Variants in TUBA1C observed in about 807,000 individuals in gnomAD.
TUBA1C encodes tubulin alpha-1C chain.
TUBA1C carries 16 observed loss-of-function variants against 34.9 expected under a neutral mutation model. The observed-to-expected ratio is 0.46, with a 90% confidence interval of 0.31 to 0.70. TUBA1C has a LOEUF of 0.70. Ranked by LOEUF, TUBA1C falls within the 30% of genes least tolerant of loss-of-function variation. The pLI, the probability that TUBA1C is intolerant of heterozygous loss-of-function variation, is 0.05. For missense variants in TUBA1C, 329 were observed against 587.3 expected (o/e 0.56, Z 4.55); for synonymous variants, 177 against 215.9 (o/e 0.82, Z 1.58).
At chr12:49,258,721 C>A (rs919395047) in intron 1 of TUBA1C, among the ~76,000 whole-genome samples, 4 of 151,410 alleles carry the variant, frequency 2.6e-5, no homozygotes, top group South Asian at 2.1e-4. Flanking sequence ...AGCTATCATG[C>A]CCGGCTATAA....
chr12:49,247,139 C>CAA lies in TUBA1C; in HGVS notation c.213+18984_213+18985dup, dbSNP rs202143595. Among the ~76,000 whole-genome samples, 845 of 115,454 alleles carry CAA rather than the reference C, an allele frequency of 7.3e-3. 3 individuals carry two copies. Among genetic ancestry groups the CAA allele is most frequent in the Non-Finnish European group, 0.01 (564 of 53,752 alleles). The allele number at this position is 115,454 out of a possible 152,430, so 75.7% of individuals were successfully genotyped here. ...TAGGCGATAGAGCAAGACTCCATCTCAAAAAAAAAAAAGAAAGAAAAAAAA... is the reference window on the plus strand; with the variant it reads ...TAGGCGATAGAGCAAGACTCCATCTCAAAAAAAAAAAAAAGAAAGAAAAAAAA... On this transcript the variant is annotated intron_variant, in intron 1 of 3. Transcript: ENST00000541364.
At chr12:49,267,920 A>G (rs981971450) in intron 1 of TUBA1C, among the ~76,000 whole-genome samples, 1 of 152,190 alleles carries the variant, frequency 6.6e-6, no homozygotes, top group Admixed American at 6.5e-5. Flanking sequence ...CTTATGATGA[A>G]ATGCCAAACA....
chr12:49,269,651 C>G lies in TUBA1C; in HGVS notation c.190C>G (p.Arg64Gly). 1 of 1,614,172 alleles carries G rather than the reference C, an allele frequency of 6.2e-7. No individual in the cohort carries two copies. Among genetic ancestry groups the G allele is most frequent in the South Asian group, 1.1e-5 (1 of 91,086 alleles). The change falls in exon 2 of 4, where the codon CGG (arginine) becomes GGG (glycine). Residue 64 changes from arginine (R) to glycine (G), a missense_variant. Around this residue, in one of 4 missense-constraint regions of TUBA1C, gnomAD observed 152 missense variants for 240.3 expected, o/e 0.63. Coordinates refer to ENST00000301072, the MANE Select transcript of TUBA1C (RefSeq NM_032704.5). ...AACGGGTGCTGGCAAGCATGTGCCC[C>G]GGGCAGTGTTTGTAGACTTGGAACC... ...SETGAGKHVPRAVFVDLEPTV... is the reference protein window; with the variant it reads ...SETGAGKHVPGAVFVDLEPTV...
At chr12:49,232,154 T>C (rs1473781091) in intron 1 of TUBA1C, among the ~76,000 whole-genome samples, 1 of 152,200 alleles carries the variant, frequency 6.6e-6, no homozygotes, top group Non-Finnish European at 1.5e-5. Flanking sequence ...GGAGTGGATA[T>C]TTAGCAAGCA....
chr12:49,273,208 A>G lies in TUBA1C; in HGVS notation c.1331A>G (p.Asp444Gly). Residue 444 changes from aspartate to glycine, a missense_variant, in exon 4 of 4, where the codon GAT becomes GGT. By Grantham distance (94) the Asp-to-Gly change is moderately conservative (BLOSUM62 -1). Coordinates refer to ENST00000301072, the MANE Select transcript of TUBA1C (RefSeq NM_032704.5). ...EVGADSADGE[D>G]EGEEY ...GGAGCAGATAGTGCTGACGGAGAGG[A>G]TGAGGGTGAAGAGTATTAACCTGTG... is the stretch of plus-strand genomic sequence containing the variant. 6.2e-7 allele frequency: 1 copy of G among 1,614,182 alleles called. No homozygotes were observed. Among genetic ancestry groups the G allele is most frequent in the South Asian group, 1.1e-5 (1 of 91,090 alleles).
Position 49,231,841 on chromosome 12 carries a change from G to A in TUBA1C, c.213+3675G>A, listed in dbSNP as rs572790618. 3.3e-5 allele frequency among the ~76,000 whole-genome samples: 5 copies of A among 152,286 alleles called. No individual in the cohort carries two copies. The East Asian group carries it at 9.6e-4, about 29-fold the overall frequency. On this transcript the variant is annotated intron_variant, in intron 1 of 3. Transcript: ENST00000541364. ...TAGGATTACAGGCATGCACCACTGCGCCTGGCCTTCTGTTACTTTCAGAGG... is the reference window on the plus strand; with the variant it reads ...TAGGATTACAGGCATGCACCACTGCACCTGGCCTTCTGTTACTTTCAGAGG...
chr12:49,247,486 C>G (rs936660816), intron 1 of TUBA1C, among the ~76,000 whole-genome samples: 2 of 150,968 alleles, frequency 1.3e-5, no homozygotes, highest in Admixed American at 1.3e-4. Flanking sequence ...TGGCTAAGAT[C>G]AGATGTACTC....
At chr12:49,250,740 A>G (rs1223721896) in intron 1 of TUBA1C, among the ~76,000 whole-genome samples, 1 of 151,518 alleles carries the variant, frequency 6.6e-6, no homozygotes. Context: ...GTGAAACCCC[A>G]TCTCTACCAT....
In TUBA1C at chr12:49,228,014, G is replaced by C. The variant is rs936351588; in HGVS notation, c.61G>C (p.Glu21Gln). The stretch of plus-strand genomic sequence containing the variant: ...GAGGGATGAGTGCTTTGTGTGCTTG[G>C]AATTAGATCCTTCAAATGGATCCTT... Residue 21 changes from glutamate (E) to glutamine (Q), a missense_variant, in exon 1 of 4, where the codon GAA (glutamate) becomes CAA (glutamine). Glu to Gln is a conservative substitution (Grantham distance 29, BLOSUM62 2). Transcript: ENST00000541364. 92 of 1,535,712 alleles carry C rather than the reference G, an allele frequency of 6.0e-5. 1 individual carries two copies. The highest frequency in any genetic ancestry group is 7.4e-5 in the Non-Finnish European group (85 of 1,146,912).
intron 3 of TUBA1C, 175 bp downstream of exon 3, chr12:49,270,151 A>G: frequency 7.5e-7 from 1 of 1,335,930 alleles, no homozygotes; most frequent in Admixed American, 1.9e-5. Context: ...TTATGGGACA[A>G]CTATGGGGTA....
chr12:49,263,929 C>T (rs894878409), upstream of TUBA1C, among the ~76,000 whole-genome samples: 2 of 152,064 alleles, frequency 1.3e-5, no homozygotes, highest in Non-Finnish European at 2.9e-5. Flanking sequence ...ATATGAAAAG[C>T]CAACTACTCG....
intron 1 of TUBA1C, among the ~76,000 whole-genome samples, chr12:49,240,287 C>G (rs1204587663): frequency 6.9e-6 from 1 of 145,566 alleles, no homozygotes; most frequent in East Asian, 2.0e-4. Flanking sequence ...GAATATGTGA[C>G]CATTCTCTGA....
chr12:49,264,219 CAA>C (rs572667018), upstream of TUBA1C, among the ~76,000 whole-genome samples: 5 of 79,546 alleles, frequency 6.3e-5, no homozygotes, highest in African/African-American at 8.7e-5. Flanking sequence ...GACTCCGTCT[CAA>C]AAAAAAAAAA....
rs1223956973 is a variant in TUBA1C at position 49,273,697 on chromosome 12, T to C, written c.*470T>C. 4 of 213,620 alleles carry C rather than the reference T, an allele frequency of 1.9e-5. No homozygotes were observed. Among genetic ancestry groups the C allele is most frequent in the Admixed American group, 1.6e-4 (3 of 19,022 alleles). The allele number at this position is 213,620 out of a possible 1,614,324, so 13.2% of individuals were successfully genotyped here. A position where few individuals can be genotyped will look rare whatever the true frequency, so the allele number is the denominator to read the frequency against. ...TGCCCAGCTTCTTGGTTTATCTGTT[T>C]AATTTGGGCCTGAATTAAGTGGTTA... On this transcript the variant is annotated 3_prime_UTR_variant, in exon 4 of 4. Transcript: ENST00000301072.
intron 1 of TUBA1C, among the ~76,000 whole-genome samples, chr12:49,229,674 G>GGTGTGTGT (rs3884374): frequency 1.3e-5 from 2 of 150,064 alleles, no homozygotes; most frequent in African/African-American, 2.4e-5. Flanking sequence ...TTTGCATAGA[G>GGTGTGTGT]GTGTGTGTGT....
At chr12:49,270,806 C>CCA (rs1169916736) in intron 3 of TUBA1C, among the ~76,000 whole-genome samples, 7 of 151,882 alleles carry the variant, frequency 4.6e-5, no homozygotes, top group Non-Finnish European at 7.4e-5. Context: ...TGGTGAAACC[C>CCA]TCTCTACTAA....
chr12:49,243,098 G>A (rs771371015), intron 1 of TUBA1C, among the ~76,000 whole-genome samples: 1 of 152,154 alleles, frequency 6.6e-6, no homozygotes, highest in Non-Finnish European at 1.5e-5. Flanking sequence ...GTGAACCACC[G>A]TGCCCGGTCG....
At chr12:49,256,470 G>A (rs781668965) in intron 1 of TUBA1C, 4 of 455,048 alleles carry the variant, frequency 8.8e-6, no homozygotes, top group South Asian at 3.1e-5. Context: ...ATAAGAAGTC[G>A]ATTTTGTAGT....
At chr12:49,244,452 C>T (rs1288793486) in intron 1 of TUBA1C, among the ~76,000 whole-genome samples, 4 of 152,132 alleles carry the variant, frequency 2.6e-5, no homozygotes, top group Non-Finnish European at 2.9e-5. Flanking sequence ...AAGATATCTA[C>T]GGTATCTTCA....
Sources: allele counts gnomAD v4.1 joint callset (sites outside exome capture counted in the v4.1 genomes callset), GRCh38; gene constraint gnomAD v4.1.1; regional missense constraint gnomAD v4.1.1; transcripts MANE v1.5; gene names NCBI Gene and HGNC (gene_info 2026-07-23, HGNC 2026-07-21).